The following GALNT13 variants were observed in gnomAD, a reference collection of about 807,000 sequenced individuals.
GALNT13 encodes the protein polypeptide N-acetylgalactosaminyltransferase 13, also known as UDP-GalNAc:polypeptide N-acetylgalactosaminyltransferase 13.
Under a neutral mutation model 64.2 loss-of-function variants are expected in GALNT13, and 28 were observed. That is an observed-to-expected ratio of 0.44 (90% CI 0.32 to 0.60). The LOEUF (loss-of-function observed/expected upper bound fraction) is 0.60, where lower values mean the gene tolerates loss of function less well. GALNT13 is among the 20% of genes least tolerant of loss of function. The probability of loss-of-function intolerance (pLI) is 0.05; values close to 1 mark genes in which losing one functional copy is unlikely to be tolerated. For synonymous variants in GALNT13, 214 were observed against 224.6 expected (o/e 0.95, Z 0.42); for missense variants, 577 against 669.8 (o/e 0.86, Z 1.53).
At chr2:153,630,803 ATATATTT>A in the GALNT13 span, among the ~76,000 whole-genome samples, 84 of 17,480 alleles carry the variant, frequency 4.8e-3, no homozygotes, top group Admixed American at 6.3e-3. Context: ...ATATATATAT[ATATATTT>A]TTTTTTTTTT....
the GALNT13 span, among the ~76,000 whole-genome samples, chr2:153,537,646 G>A: frequency 7.2e-5 from 11 of 152,254 alleles, no homozygotes; most frequent in African/African-American, 2.6e-4. Flanking sequence ...TGCTGTGGGA[G>A]GGACTTGGTG....
chr2:153,905,394 C>A (rs779750557), intron 2 of GALNT13, among the ~76,000 whole-genome samples: 30 of 151,886 alleles, frequency 2.0e-4, no homozygotes, highest in East Asian at 9.7e-4. Flanking sequence ...TATATACATA[C>A]CTCTGATAAA....
chr2:153,521,464 A>G, the GALNT13 span, among the ~76,000 whole-genome samples: 3 of 152,210 alleles, frequency 2.0e-5, no homozygotes, highest in Non-Finnish European at 4.4e-5. Context: ...CCGTCTACAC[A>G]TGCACAGCCT....
At chr2:153,241,430 T>C in the GALNT13 span, among the ~76,000 whole-genome samples, 557 of 152,300 alleles carry the variant, frequency 3.7e-3, 1 homozygote, top group African/African-American at 0.013. Flanking sequence ...CCATGCAGCT[T>C]TGGGCAGTAT....
the GALNT13 span, among the ~76,000 whole-genome samples, chr2:153,394,577 G>C: frequency 1.3e-5 from 2 of 152,078 alleles, 1 homozygote; most frequent in African/African-American, 4.8e-5. Flanking sequence ...AACTTAGCAT[G>C]AACTCCCTTT....
At chr2:153,930,404 G>A (rs1690437864) in intron 2 of GALNT13, among the ~76,000 whole-genome samples, 1 of 152,182 alleles carries the variant, frequency 6.6e-6, no homozygotes, top group East Asian at 1.9e-4. Flanking sequence ...AATCTTTGCT[G>A]GGACCTATGT....
the GALNT13 span, among the ~76,000 whole-genome samples, chr2:153,259,305 T>TA: frequency 0.35 from 52,771 of 151,884 alleles, 9,402 homozygotes; most frequent in Middle Eastern, 0.5. Flanking sequence ...ATTTTCATTT[T>TA]ATGTGTCTCT....
At chr2:154,080,836 T>C (rs1485527491) in intron 3 of GALNT13, among the ~76,000 whole-genome samples, 1 of 151,702 alleles carries the variant, frequency 6.6e-6, no homozygotes, top group Admixed American at 6.6e-5. Flanking sequence ...CTAGTAAATA[T>C]TGTGGTTCCT....
intron 2 of GALNT13, among the ~76,000 whole-genome samples, chr2:153,932,019 A>G (rs72865030): frequency 0.071 from 10,774 of 151,846 alleles, 445 homozygotes; most frequent in Middle Eastern, 0.13. Flanking sequence ...GTTTTTTATT[A>G]CTTATTCAGT....
chr2:153,253,718 T>C, the GALNT13 span, among the ~76,000 whole-genome samples: 16 of 149,050 alleles, frequency 1.1e-4, no homozygotes, highest in Non-Finnish European at 1.3e-4. Context: ...CTGCATCTAT[T>C]GAGATAATCA....
At chr2:153,351,045 C>A in the GALNT13 span, among the ~76,000 whole-genome samples, 4 of 152,058 alleles carry the variant, frequency 2.6e-5, no homozygotes. Flanking sequence ...AGACTTTATT[C>A]TCTTAAGAAA....
the GALNT13 span, among the ~76,000 whole-genome samples, chr2:153,672,337 A>G: frequency 6.6e-6 from 1 of 152,342 alleles, no homozygotes; most frequent in Non-Finnish European, 1.5e-5. Context: ...AAGAACAGAA[A>G]TCACAACAAA....
At chr2:154,026,897 A>C (rs1003261331) in intron 3 of GALNT13, among the ~76,000 whole-genome samples, 2 of 152,134 alleles carry the variant, frequency 1.3e-5, no homozygotes, top group Non-Finnish European at 2.9e-5. Context: ...GGATAGGTAC[A>C]CCCAATCGAG....
the GALNT13 span, among the ~76,000 whole-genome samples, chr2:153,534,898 C>T: frequency 5.3e-5 from 8 of 152,106 alleles, no homozygotes; most frequent in South Asian, 2.1e-4. Context: ...TGGGTGTATA[C>T]GTGCAAGTCA....
At chr2:153,196,308 T>C in the GALNT13 span, among the ~76,000 whole-genome samples, 25,061 of 151,922 alleles carry the variant, frequency 0.16, 2,190 homozygotes, top group African/African-American at 0.19. Context: ...TCAGCCCTCC[T>C]TCAGATTCCC....
At chr2:153,070,310 A>G in the GALNT13 span, among the ~76,000 whole-genome samples, 3 of 152,200 alleles carry the variant, frequency 2.0e-5, no homozygotes, top group Non-Finnish European at 4.4e-5. Flanking sequence ...CCAGGTGCTC[A>G]TGGGGAGAGT....
chr2:153,985,193 A>G (rs1694716917), intron 3 of GALNT13, among the ~76,000 whole-genome samples: 1 of 152,058 alleles, frequency 6.6e-6, no homozygotes, highest in Admixed American at 6.6e-5. Context: ...CCATTCTTAG[A>G]AAAACTAAAT....
chr2:154,350,438 T>G (rs1696329081), intron 9 of GALNT13, among the ~76,000 whole-genome samples: 1 of 152,224 alleles, frequency 6.6e-6, no homozygotes, highest in Non-Finnish European at 1.5e-5. Flanking sequence ...CTTCAGCTTT[T>G]GTATTCTTGG....
At chr2:153,797,941 A>G in the GALNT13 span, among the ~76,000 whole-genome samples, 6 of 152,176 alleles carry the variant, frequency 3.9e-5, no homozygotes, top group African/African-American at 1.2e-4. Flanking sequence ...CATAAGCCCT[A>G]CCATCATCTA....
Sources: allele counts gnomAD v4.1 joint callset (sites outside exome capture counted in the v4.1 genomes callset), GRCh38; gene constraint gnomAD v4.1.1; transcripts MANE v1.5; gene names NCBI Gene and HGNC (gene_info 2026-07-23, HGNC 2026-07-21).